HERC1: variants seen among roughly 807,000 people sequenced by gnomAD.
HERC1 encodes HECT and RLD domain containing E3 ubiquitin protein ligase family member 1.
In HERC1, 160 loss-of-function variants were observed where a neutral mutation model predicts 554.3. That is an observed-to-expected ratio of 0.29 (90% CI 0.25 to 0.33). The LOEUF is 0.33. Among genes scored for constraint, HERC1 ranks in the 10% least tolerant of loss-of-function variants. The pLI is 1.00. For synonymous variants in HERC1, 2,175 were observed against 2,131.7 expected (o/e 1.02, Z -0.56); for missense variants, 4,919 against 5,918.5 (o/e 0.83, Z 5.54).
intron 71 of HERC1, among the ~76,000 whole-genome samples, chr15:63,625,075 A>G (rs2152771721): frequency 6.6e-6 from 1 of 152,148 alleles, no homozygotes; most frequent in East Asian, 1.9e-4. Flanking sequence ...GCTGCACAGG[A>G]CTCTGCTGCC....
At chr15:63,656,449 C>G (rs1335403370) in intron 48 of HERC1, 91 bp from the exon 49 acceptor site, 2 of 1,131,200 alleles carry the variant, frequency 1.8e-6, no homozygotes, top group African/African-American at 3.1e-5. Context: ...ACAGCATCAA[C>G]AACCATAATA....
chr15:63,708,137 T>A (rs1435075854), intron 24 of HERC1, among the ~76,000 whole-genome samples: 1 of 152,076 alleles, frequency 6.6e-6, no homozygotes, highest in Non-Finnish European at 1.5e-5. Flanking sequence ...AAACACCAAA[T>A]AGTCATCATA....
At chr15:63,625,883 TTC>T (rs2068281623) in intron 71 of HERC1, 100 bp downstream of exon 71, 1 of 1,214,678 alleles carries the variant, frequency 8.2e-7, no homozygotes, top group East Asian at 2.5e-5. Context: ...TGAAAGAATT[TTC>T]CAAAGGCAGA....
chr15:63,637,277 A>C (rs1339204661), intron 64 of HERC1: 3 of 570,956 alleles, frequency 5.3e-6, no homozygotes, highest in African/African-American at 3.7e-5. Context: ...TGGGTCTCAA[A>C]AAGTGTTATT....
At chr15:63,642,226 C>G (rs2069101849) in intron 59 of HERC1, among the ~76,000 whole-genome samples, 1 of 152,204 alleles carries the variant, frequency 6.6e-6, no homozygotes, top group African/African-American at 2.4e-5. Context: ...TACTTCACAG[C>G]AGGGGACCAG....
chr15:63,632,740 G>C lies in HERC1; in HGVS notation c.12765C>G (p.Thr4255=). 1 of 1,565,724 alleles carries C rather than the reference G, an allele frequency of 6.4e-7. No homozygotes were observed. Among genetic ancestry groups the C allele is most frequent in the African/African-American group, 1.3e-5 (1 of 74,118 alleles). ...CAAAGGTATACACATGACCATCTTT[G>C]GTCAAAGCAACAGAAAACTGAGTTC... ...ACGTQFSVAL[T]KDGHVYTFGQ... is the part of the protein sequence containing the mutation. Residue 4255 remains threonine (T), a synonymous_variant, in exon 68 of 78, where the codon ACC becomes ACG. Coordinates refer to ENST00000443617, the MANE Select transcript of HERC1 (RefSeq NM_003922.4).
rs11630720 is a variant in HERC1 at position 63,692,573 on chromosome 15, T to C, written c.5675-7A>G. 0.51 allele frequency: 814,827 copies of C among 1,588,922 alleles called. 217,486 individuals carry two copies. The highest frequency in any genetic ancestry group is 0.56 in the African/African-American group (41,304 of 73,572). ...TGTTGTTTCCTAAGAGCAGCTACAG[T>C]GAAGAGACAAGTTTACGTTACAACC... On this transcript the variant is annotated splice_polypyrimidine_tract_variant and splice_region_variant and intron_variant, in intron 30 of 77. Coordinates refer to ENST00000443617, the MANE Select transcript of HERC1 (RefSeq NM_003922.4). This position sits in a 1 kb window ranked among gnomAD's most constrained non-coding sequence, Gnocchi z 4.7.
At chr15:63,764,064 T>G (rs899665823) in intron 3 of HERC1, 32 bp downstream of exon 3, 10 of 1,358,784 alleles carry the variant, frequency 7.4e-6, no homozygotes, top group Non-Finnish European at 1.0e-5. Context: ...TAACACAAAG[T>G]TGTTAATACA....
rs958034122 is a variant in HERC1, at chr15:63,654,410, A to G, written c.10085-86T>C. The stretch of plus-strand genomic sequence containing the variant: ...CAAAACATGAAATGATGCTCAGGTG[A>G]GATTTGGTGGTGGTGAACAAGCAAA... On this transcript the variant is annotated intron_variant, in intron 50 of 77. Coordinates refer to ENST00000443617, the MANE Select transcript of HERC1 (RefSeq NM_003922.4). 3.8e-6 allele frequency: 4 copies of G among 1,048,634 alleles called. No individual in the cohort carries two copies. In the South Asian group the frequency reaches 4.5e-5, roughly 12 times the overall value. 65.0% of individuals were successfully genotyped at this position (1,048,634 alleles called of 1,614,324 possible).
rs1271338264 is a variant in HERC1 at position 63,630,456 on chromosome 15, A to G, written c.12966+10T>C. On this transcript the variant is annotated intron_variant, in intron 69 of 77. Coordinates refer to ENST00000443617, the MANE Select transcript of HERC1 (RefSeq NM_003922.4). ...AATATGAGAAAGCAGCAAGCAATAT[A>G]AATATTTACCTGCCCTTCTGAATTG... is the stretch of plus-strand genomic sequence containing the variant. 6.2e-7 allele frequency: 1 copy of G among 1,606,528 alleles called. No individual in the cohort carries two copies. The highest frequency in any genetic ancestry group is 8.5e-7 in the Non-Finnish European group (1 of 1,176,752).
In HERC1 at chr15:63,630,609, G is replaced by A. The variant is rs371244791; in HGVS notation, c.12823C>T (p.Arg4275Cys). The change falls in exon 69 of 78, where the codon CGT becomes TGT. Residue 4275 changes from arginine (R) to cysteine (C), a missense_variant. Arg to Cys is a radical substitution (Grantham distance 180). Transcript: ENST00000443617. ...QDRLIGLPEG[R>C]ARNHNRPQQI... ...TGCGGTCGATTGTGATTGCGAGCACGCCCCTCTGGCAAGCCTATCAGGCGA... is the reference window on the plus strand; with the variant it reads ...TGCGGTCGATTGTGATTGCGAGCACACCCCTCTGGCAAGCCTATCAGGCGA... 1.5e-4 allele frequency: 249 copies of A among 1,612,526 alleles called. No individual in the cohort carries two copies. The highest frequency in any genetic ancestry group is 1.9e-4 in the Non-Finnish European group (227 of 1,179,402).
chr15:63,632,845 A>G (rs962090977), intron 67 of HERC1, 34 bp from the exon 68 acceptor site: 2 of 1,414,420 alleles, frequency 1.4e-6, no homozygotes, highest in African/African-American at 1.4e-5. Context: ...CACAACTTTA[A>G]GAAGAAAAAA....
At chr15:63,757,915 G>A (rs2075484039) in intron 4 of HERC1, among the ~76,000 whole-genome samples, 1 of 151,534 alleles carries the variant, frequency 6.6e-6, no homozygotes, top group African/African-American at 2.4e-5. Flanking sequence ...TCACCATATT[G>A]GCCAGGCTGG....
At position 63,638,480 on chromosome 15, in the gene HERC1, T is replaced by C. The variant is rs767807435; in HGVS notation, c.12024A>G (p.Gly4008=). The C allele has an allele frequency of 1.2e-6, 2 of 1,613,784 alleles. No individual in the cohort carries two copies. Among genetic ancestry groups the C allele is most frequent in the African/African-American group, 1.3e-5 (1 of 74,918 alleles). Residue 4008 remains glycine (G), a synonymous_variant, in exon 63 of 78, where the codon GGA becomes GGG. Coordinates refer to ENST00000443617, the MANE Select transcript of HERC1 (RefSeq NM_003922.4). ...DVYLWGAGRH[G]QLAEAGRNVM... ...CATTTCTTCCAGCTTCTGCCAGCTG[T>C]CCATGCCTACCAGCACCCCATAAGT...
intron 72 of HERC1, 25 bp downstream of exon 72, chr15:63,624,133 G>A (rs1426945369): frequency 1.3e-6 from 2 of 1,568,386 alleles, no homozygotes; most frequent in Non-Finnish European, 1.7e-6. Context: ...CAGCTCATTA[G>A]TCAAACACAC....
At chr15:63,773,149 C>CT (rs2076000973) in intron 2 of HERC1, among the ~76,000 whole-genome samples, 3 of 152,186 alleles carry the variant, frequency 2.0e-5, no homozygotes, top group South Asian at 4.1e-4. Context: ...ACCGAAAAGA[C>CT]TAATCAATGT....
Position 63,686,444 on chromosome 15 carries a change from T to C in HERC1, c.6140A>G (p.Asn2047Ser), listed in dbSNP as rs200898269. ...PEKAQCCLVE[N>S]GQILTHGSGG... ...ACTGCCGTGAGTTAAAATCTGTCCA[T>C]TCTCCACTAGGCAACACTGAGCTTT... The change falls in exon 34 of 78, where the codon AAT (asparagine) becomes AGT (serine). Residue 2047 changes from asparagine to serine, a missense_variant. Physicochemically the swap from Asn to Ser is conservative, Grantham distance 46 (BLOSUM62 1). This residue lies in a region of HERC1 where 1,121 missense variants were observed against 1,244.0 expected (regional missense o/e 0.90). Coordinates refer to ENST00000443617, the MANE Select transcript of HERC1 (RefSeq NM_003922.4). The C allele has an allele frequency of 1.5e-4, 237 of 1,613,790 alleles. 1 individual carries two copies. Among genetic ancestry groups the C allele is most frequent in the Non-Finnish European group, 1.8e-4 (217 of 1,179,792 alleles).
chr15:63,706,422 G>A (rs2073009872), intron 25 of HERC1, among the ~76,000 whole-genome samples: 1 of 152,104 alleles, frequency 6.6e-6, no homozygotes, highest in South Asian at 2.1e-4. Flanking sequence ...AACTCTGTGA[G>A]CTAAAACATG....
chr15:63,626,800 T>G (rs2068320547), intron 70 of HERC1, among the ~76,000 whole-genome samples: 1 of 152,194 alleles, frequency 6.6e-6, no homozygotes, highest in Non-Finnish European at 1.5e-5. Context: ...TACAGTGCAA[T>G]TCCTAGATTT....
Sources: allele counts gnomAD v4.1 joint callset (sites outside exome capture counted in the v4.1 genomes callset), GRCh38; gene constraint gnomAD v4.1.1; regional missense constraint gnomAD v4.1.1; non-coding constraint Gnocchi (gnomAD v3.1); transcripts MANE v1.5; gene names NCBI Gene and HGNC (gene_info 2026-07-23, HGNC 2026-07-21).